The following NUP54 variants were observed in gnomAD, a reference collection of about 807,000 sequenced individuals.
NUP54 encodes nucleoporin p54.
NUP54 carries 27 observed loss-of-function variants against 66.4 expected under a neutral mutation model. The ratio of observed to expected loss-of-function variants is 0.41; its 90% CI spans 0.30 to 0.56. The LOEUF (loss-of-function observed/expected upper bound fraction) is 0.56, where lower values mean the gene tolerates loss of function less well. Ranked by LOEUF, NUP54 falls within the 20% of genes least tolerant of loss-of-function variation. The pLI, the probability that NUP54 is intolerant of heterozygous loss-of-function variation, is 0.34. For missense variants in NUP54, 486 were observed against 596.3 expected (o/e 0.82, Z 1.93); for synonymous variants, 206 against 210.7 (o/e 0.98, Z 0.19).
In NUP54 at chr4:76,136,344, TCG is replaced by T. The variant is rs1427099164; in HGVS notation, c.362_363del (p.Ala121GlufsTer12). The T allele has an allele frequency of 6.2e-7, 1 of 1,614,128 alleles. No homozygotes were observed. The highest frequency in any genetic ancestry group is 1.7e-5 in the Admixed American group (1 of 60,028). ...AACAGCGTTGGAGCAGAAAGAGCAC[TCG>T]CAGTATTTATCAGCTGGTTGGACTG... ...PTQSNQLINT[A>X]SALSAPTLLG... is the part of the protein sequence containing the mutation. On this transcript the variant is annotated frameshift_variant, in exon 4 of 12. Transcript: ENST00000264883. LOFTEE classifies it high-confidence loss of function.
intron 3 of NUP54, 70 bp from the exon 4 acceptor site, chr4:76,136,482 G>A: frequency 7.9e-7 from 1 of 1,265,532 alleles, no homozygotes. Context: ...CCTAGGCGTG[G>A]TAGGCAAAAT....
chr4:76,122,263 G>GT (rs564567524), intron 9 of NUP54, among the ~76,000 whole-genome samples: 2 of 152,134 alleles, frequency 1.3e-5, no homozygotes, highest in South Asian at 2.1e-4. Flanking sequence ...TTAGAATGTG[G>GT]TTTTTTGGTC....
intron 11 of NUP54, 135 bp downstream of exon 11, chr4:76,117,529 T>G (rs527253050): frequency 5.1e-6 from 3 of 589,406 alleles, no homozygotes; most frequent in South Asian, 4.6e-5. Context: ...CATTTTACAT[T>G]CCCCCAACAG....
intron 4 of NUP54, 48 bp downstream of exon 4, chr4:76,136,138 C>A: frequency 7.9e-7 from 1 of 1,260,550 alleles, no homozygotes; most frequent in Non-Finnish European, 1.1e-6. Context: ...AATATATTTT[C>A]TGTTATACAA....
At chr4:76,131,170 G>T in intron 7 of NUP54, 60 bp downstream of exon 7, 2 of 998,642 alleles carry the variant, frequency 2.0e-6, no homozygotes, top group Non-Finnish European at 3.1e-6. Context: ...TAGCTCCCAT[G>T]TTTGCTTTCC....
At chr4:76,136,776 GA>G (rs1731058661) in intron 3 of NUP54, among the ~76,000 whole-genome samples, 2 of 152,194 alleles carry the variant, frequency 1.3e-5, no homozygotes, top group South Asian at 4.1e-4. Flanking sequence ...GAAAATGCAA[GA>G]GAATGGATTC....
At chr4:76,130,816 T>C (rs1578680636) in intron 7 of NUP54, 67 bp from the exon 8 acceptor site, 4 of 997,820 alleles carry the variant, frequency 4.0e-6, no homozygotes, top group Non-Finnish European at 6.3e-6. Flanking sequence ...GAAGTGAAGG[T>C]TTTAGTAACA....
intron 7 of NUP54, 180 bp from the exon 8 acceptor site, chr4:76,130,929 C>A: frequency 1.6e-6 from 1 of 609,664 alleles, no homozygotes; most frequent in Non-Finnish European, 2.9e-6. Flanking sequence ...CCCTATTTTA[C>A]AAATGAGGAA....
Position 76,118,063 on chromosome 4 carries a change from A to G in NUP54, c.1284+12T>C. On this transcript the variant is annotated intron_variant, in intron 10 of 11. Transcript: ENST00000264883. ...AAACAAATTTTAGAATTATGGTCTTAGAAGTGGTTACCTTGAACTGAGTAG... is the reference window on the plus strand; with the variant it reads ...AAACAAATTTTAGAATTATGGTCTTGGAAGTGGTTACCTTGAACTGAGTAG... 1 of 1,613,022 alleles carries G rather than the reference A, an allele frequency of 6.2e-7. No individual in the cohort carries two copies. The highest frequency in any genetic ancestry group is 8.5e-7 in the Non-Finnish European group (1 of 1,179,606).
chr4:76,134,547 T>C (rs893103369), intron 4 of NUP54, among the ~76,000 whole-genome samples, 185 bp from the exon 5 acceptor site: 2 of 152,098 alleles, frequency 1.3e-5, no homozygotes, highest in Non-Finnish European at 2.9e-5. Flanking sequence ...AAAAACTATT[T>C]TACCCAGGAA....
intron 8 of NUP54, among the ~76,000 whole-genome samples, chr4:76,128,976 A>C (rs992655442): frequency 2.0e-5 from 3 of 152,174 alleles, no homozygotes; most frequent in Non-Finnish European, 2.9e-5. Flanking sequence ...AACAGATACA[A>C]AAGTACAGCT....
chr4:76,123,267 T>C (rs1730311309), intron 9 of NUP54, among the ~76,000 whole-genome samples: 1 of 152,208 alleles, frequency 6.6e-6, no homozygotes, highest in Non-Finnish European at 1.5e-5. Flanking sequence ...TATTCCTCAA[T>C]TGTCTAGAAT....
chr4:76,145,523 A>G lies in NUP54; in HGVS notation c.68-1050T>C, dbSNP rs183974607. 2.5e-6 allele frequency: 3 copies of G among 1,206,796 alleles called. No homozygotes were observed. The African/African-American group carries it at 4.8e-5, about 19-fold the overall frequency. 74.8% of individuals were successfully genotyped at this position (1,206,796 alleles called of 1,614,324 possible). The stretch of plus-strand genomic sequence containing the variant: ...ACTTAGTCTCTGTCAAGACTAAGTA[A>G]CTTTTCAAAGGAAGCATACCAATAT... On this transcript the variant is annotated intron_variant, in intron 1 of 11. Transcript: ENST00000264883.
intron 9 of NUP54, among the ~76,000 whole-genome samples, chr4:76,121,867 G>A (rs1284649852): frequency 1.3e-5 from 2 of 151,998 alleles, no homozygotes; most frequent in Non-Finnish European, 2.9e-5. Context: ...TTAATTCTAT[G>A]GTTTATTCCC....
In NUP54 at chr4:76,132,599, A is replaced by C. The variant is rs1425012611; in HGVS notation, c.831T>G (p.Leu277=). ...QANIKTQLQQ[L]GVTLSMTRTE... ...TTCTAGTCATAGAAAGGGTTACACC[A>C]AGTTGCTGCAATTGTGTTTTTATAT... The change falls in exon 6 of 12, where the codon CTT becomes CTG. Residue 277 remains leucine, a synonymous_variant. Coordinates refer to ENST00000264883, the MANE Select transcript of NUP54 (RefSeq NM_017426.4). The C allele has an allele frequency of 6.2e-7, 1 of 1,614,022 alleles. No homozygotes were observed. Among genetic ancestry groups the C allele is most frequent in the Non-Finnish European group, 8.5e-7 (1 of 1,180,032 alleles).
intron 5 of NUP54, among the ~76,000 whole-genome samples, chr4:76,132,941 C>T (rs1009702040): frequency 1.6e-4 from 24 of 151,256 alleles, no homozygotes; most frequent in African/African-American, 5.6e-4. Context: ...CTCAATGTCC[C>T]AGGCTTAAGC....
At chr4:76,127,005 T>C (rs1298214735) in intron 8 of NUP54, among the ~76,000 whole-genome samples, 6 of 151,344 alleles carry the variant, frequency 4.0e-5, no homozygotes, top group Non-Finnish European at 8.8e-5. Flanking sequence ...GTGGAATGGG[T>C]GGGTATAAGA....
chr4:76,117,638 A>G lies in NUP54; in HGVS notation c.1395+26T>C, dbSNP rs756857152. On this transcript the variant is annotated intron_variant, in intron 11 of 11. Transcript: ENST00000264883. The stretch of plus-strand genomic sequence containing the variant: ...GTGAAGTGGTGAGCTCACACTTTAA[A>G]TAATGCAGCCTCATGCAACACTTAC... 2.8e-6 allele frequency: 4 copies of G among 1,424,294 alleles called. No homozygotes were observed. In the Admixed American group the frequency reaches 5.1e-5, roughly 18 times the overall value. The allele number at this position is 1,424,294 out of a possible 1,614,324, so 88.2% of individuals were successfully genotyped here.
chr4:76,139,735 A>C (rs1731185537), intron 3 of NUP54, among the ~76,000 whole-genome samples: 1 of 152,226 alleles, frequency 6.6e-6, no homozygotes, highest in South Asian at 2.1e-4. Flanking sequence ...ATAGTAAAGT[A>C]AGCATGAAAT....
Sources: allele counts gnomAD v4.1 joint callset (sites outside exome capture counted in the v4.1 genomes callset), GRCh38; gene constraint gnomAD v4.1.1; transcripts MANE v1.5; gene names NCBI Gene and HGNC (gene_info 2026-07-23, HGNC 2026-07-21).